HS2ST1: variants seen among roughly 807,000 people sequenced by gnomAD.
HS2ST1 encodes heparan sulfate 2-O-sulfotransferase 1.
A neutral mutation model predicts 42.9 loss-of-function variants in HS2ST1; 18 were observed. The observed-to-expected ratio is 0.42, with a 90% confidence interval of 0.29 to 0.62. The LOEUF (loss-of-function observed/expected upper bound fraction) is 0.62, where lower values mean the gene tolerates loss of function less well. HS2ST1 is among the 20% of genes least tolerant of loss of function. HS2ST1 has a pLI of 0.21. For missense variants in HS2ST1, 334 were observed against 433.8 expected (o/e 0.77, Z 2.04); for synonymous variants, 146 against 152.9 (o/e 0.95, Z 0.33).
chr1:87,035,663 C>T (rs1570501285), intron 1 of HS2ST1, among the ~76,000 whole-genome samples: 1 of 152,070 alleles, frequency 6.6e-6, no homozygotes, highest in South Asian at 2.1e-4. Context: ...CCACAATAAC[C>T]TTGCAAGTTT....
intron 3 of HS2ST1, 132 bp downstream of exon 3, chr1:87,084,411 G>C (rs1211946808): frequency 3.6e-6 from 2 of 556,164 alleles, no homozygotes; most frequent in South Asian, 6.0e-5. Flanking sequence ...TTTTAGATCT[G>C]TAATTTAAAT....
In HS2ST1 at chr1:86,976,287, A is replaced by G. The variant is rs2102214945; in HGVS notation, c.124+61127A>G. 1.3e-5 allele frequency among the ~76,000 whole-genome samples: 2 copies of G among 152,302 alleles called. 1 individual carries two copies. Among genetic ancestry groups the G allele is most frequent in the South Asian group, 4.1e-4 (2 of 4,826 alleles). Reference sequence around the variant, plus strand: ...AGAAAGTGATCTGTTTAGAATTTTTAAAGTTGTTGCCATGGCAAAGTAACT... The same window carrying G: ...AGAAAGTGATCTGTTTAGAATTTTTGAAGTTGTTGCCATGGCAAAGTAACT... On this transcript the variant is annotated intron_variant, in intron 1 of 6. Transcript: ENST00000370550.
At chr1:87,025,819 T>C (rs2100591436) in intron 1 of HS2ST1, among the ~76,000 whole-genome samples, 1 of 152,300 alleles carries the variant, frequency 6.6e-6, no homozygotes, top group Non-Finnish European at 1.5e-5. Flanking sequence ...CATGTGATTC[T>C]TCCAGGAATT....
intron 1 of HS2ST1, among the ~76,000 whole-genome samples, chr1:86,949,138 T>G (rs944542421): frequency 3.3e-5 from 5 of 152,344 alleles, no homozygotes; most frequent in Admixed American, 1.3e-4. Context: ...AGATGGAGTC[T>G]TGCTCTTTCG....
intron 4 of HS2ST1, among the ~76,000 whole-genome samples, chr1:87,094,702 A>C (rs146694519): frequency 6.3e-4 from 96 of 152,296 alleles, no homozygotes; most frequent in African/African-American, 2.2e-3. Flanking sequence ...AAATCCAGGC[A>C]GCATTTTAAC....
At chr1:86,964,644 G>T (rs868647278) in intron 1 of HS2ST1, among the ~76,000 whole-genome samples, 3 of 152,218 alleles carry the variant, frequency 2.0e-5, no homozygotes, top group Non-Finnish European at 2.9e-5. Flanking sequence ...GAGGGAGACC[G>T]TGGGGAGAGG....
In HS2ST1 at chr1:87,097,813, C is replaced by G. The variant is rs1361378040; in HGVS notation, c.589-25C>G. ...GGTGAGACTTGGATTTATGGCTTACCCGTGCTGCTTTGTCTTTGTTCTAGA... is the reference window on the plus strand; with the variant it reads ...GGTGAGACTTGGATTTATGGCTTACGCGTGCTGCTTTGTCTTTGTTCTAGA... On this transcript the variant is annotated intron_variant, in intron 4 of 6. Coordinates refer to ENST00000370550, the MANE Select transcript of HS2ST1 (RefSeq NM_012262.4). 3 of 1,612,724 alleles carry G rather than the reference C, an allele frequency of 1.9e-6. No homozygotes were observed. In the East Asian group the frequency reaches 6.7e-5, roughly 36 times the overall value.
chr1:87,050,751 C>G (rs150530240), intron 1 of HS2ST1, among the ~76,000 whole-genome samples: 68 of 152,208 alleles, frequency 4.5e-4, no homozygotes, highest in Non-Finnish European at 6.8e-4. Context: ...TTAGATTACT[C>G]TAGGGTCAGA....
At chr1:87,008,061 G>A (rs765394189) in intron 1 of HS2ST1, among the ~76,000 whole-genome samples, 27 of 151,932 alleles carry the variant, frequency 1.8e-4, no homozygotes, top group African/African-American at 4.6e-4. Flanking sequence ...CTCAGATTTC[G>A]GAATTGTGAG....
intron 1 of HS2ST1, among the ~76,000 whole-genome samples, chr1:86,978,323 A>C (rs1464823164): frequency 6.6e-6 from 1 of 152,362 alleles, no homozygotes; most frequent in South Asian, 2.1e-4. Context: ...AATTTTAAGA[A>C]TTTATCATGT....
intron 1 of HS2ST1, among the ~76,000 whole-genome samples, chr1:87,041,735 G>A (rs1650530282): frequency 6.6e-6 from 1 of 152,092 alleles, no homozygotes; most frequent in African/African-American, 2.4e-5. Flanking sequence ...TGTTCTCAAG[G>A]TTAATCTGTG....
At chr1:87,070,635 T>C (rs1377025828) in intron 1 of HS2ST1, among the ~76,000 whole-genome samples, 1 of 152,128 alleles carries the variant, frequency 6.6e-6, no homozygotes, top group Non-Finnish European at 1.5e-5. Context: ...TACAAATTAG[T>C]TGAATTTAAT....
At chr1:86,981,629 C>G (rs1488779780) in intron 1 of HS2ST1, among the ~76,000 whole-genome samples, 1 of 152,236 alleles carries the variant, frequency 6.6e-6, no homozygotes, top group African/African-American at 2.4e-5. Context: ...GCTCCAAAAT[C>G]TCATTTGATT....
rs1446685141 is a variant in HS2ST1 at position 87,108,507 on chromosome 1, A to G, written c.*3811A>G. On this transcript the variant is annotated 3_prime_UTR_variant, in exon 7 of 7. Coordinates refer to ENST00000370550, the MANE Select transcript of HS2ST1 (RefSeq NM_012262.4). ...TTTTTGCATCCGTTTACCCTATGCA[A>G]AGTTGCTGTATGATGCCAACTAAAC... 6.6e-6 allele frequency: 1 copy of G among 152,104 alleles called. No individual in the cohort carries two copies. The highest frequency in any genetic ancestry group is 1.5e-5 in the Non-Finnish European group (1 of 67,966). The allele number at this position is 152,104 out of a possible 1,614,324, so 9.4% of individuals were successfully genotyped here. A position where few individuals can be genotyped will look rare whatever the true frequency, so the allele number is the denominator to read the frequency against.
At chr1:86,997,307 G>T (rs1295620547) in intron 1 of HS2ST1, among the ~76,000 whole-genome samples, 1 of 152,100 alleles carries the variant, frequency 6.6e-6, no homozygotes, top group African/African-American at 2.4e-5. Context: ...CAGGCCCAGG[G>T]CAGGATTTCT....
intron 1 of HS2ST1, among the ~76,000 whole-genome samples, chr1:86,960,239 A>AT (rs1414174122): frequency 6.6e-6 from 1 of 151,748 alleles, no homozygotes; most frequent in Non-Finnish European, 1.5e-5. Flanking sequence ...AAAAAAAAAA[A>AT]AAAAAGAATC....
At chr1:87,045,349 A>T in intron 1 of HS2ST1, 1 of 1,320,838 alleles carries the variant, frequency 7.6e-7, no homozygotes, top group Non-Finnish European at 1.1e-6. Flanking sequence ...TCTTGTGATT[A>T]TTAGCTTCTG....
rs186878818 is a variant in HS2ST1 at position 87,004,189 on chromosome 1, G to A, written c.125-68745G>A. Among the ~76,000 whole-genome samples, 244 of 152,124 alleles carry A rather than the reference G, an allele frequency of 1.6e-3. 2 individuals are homozygous for A. Among genetic ancestry groups the A allele is most frequent in the African/African-American group, 5.7e-3 (236 of 41,488 alleles). ...GCGGATCACCTGAGGTCAGAAGTTC[G>A]AGACCAGCCTGGCCAACGTGGTGAA... is the stretch of plus-strand genomic sequence containing the variant. On this transcript the variant is annotated intron_variant, in intron 1 of 6. Transcript: ENST00000370550.
At chr1:87,006,148 G>T (rs1329021532) in intron 1 of HS2ST1, among the ~76,000 whole-genome samples, 1 of 152,206 alleles carries the variant, frequency 6.6e-6, no homozygotes, top group Non-Finnish European at 1.5e-5. Context: ...TAGCATTCCA[G>T]TGCAATTTGG....
Sources: allele counts gnomAD v4.1 joint callset (sites outside exome capture counted in the v4.1 genomes callset), GRCh38; gene constraint gnomAD v4.1.1; transcripts MANE v1.5; gene names NCBI Gene and HGNC (gene_info 2026-07-23, HGNC 2026-07-21).